Variants in SLCO6A1 observed in about 807,000 individuals in gnomAD.
SLCO6A1 encodes the protein solute carrier organic anion transporter family member 6A1.
Under a neutral mutation model 72.7 loss-of-function variants are expected in SLCO6A1, and 65 were observed. The ratio of observed to expected loss-of-function variants is 0.89; its 90% confidence interval spans 0.73 to 1.10. The LOEUF (loss-of-function observed/expected upper bound fraction) is 1.10, where lower values mean the gene tolerates loss of function less well. Among genes scored for constraint, SLCO6A1 ranks in the 50% least tolerant of loss-of-function variants. SLCO6A1 has a pLI of 0.00. For missense variants in SLCO6A1, 874 were observed against 872.6 expected (o/e 1.00, Z -0.02); for synonymous variants, 314 against 298.2 (o/e 1.05, Z -0.55).
chr5:102,453,562 G>A (rs980926264), intron 6 of SLCO6A1, among the ~76,000 whole-genome samples: 2 of 151,954 alleles, frequency 1.3e-5, no homozygotes, highest in Admixed American at 1.3e-4. Context: ...TAAATAATAC[G>A]TTGTAGCTTT....
At chr5:102,441,146 T>C (rs930107525) in intron 6 of SLCO6A1, among the ~76,000 whole-genome samples, 1 of 152,218 alleles carries the variant, frequency 6.6e-6, no homozygotes, top group African/African-American at 2.4e-5. Flanking sequence ...TCATATTTAA[T>C]ATTATTGCAA....
chr5:102,387,710 T>A (rs1222077744), intron 12 of SLCO6A1, among the ~76,000 whole-genome samples: 2 of 152,196 alleles, frequency 1.3e-5, no homozygotes, highest in Non-Finnish European at 2.9e-5. Flanking sequence ...TTTTTTGAAT[T>A]ACTGAATCTA....
At chr5:102,426,976 A>G (rs1748928218) in intron 7 of SLCO6A1, among the ~76,000 whole-genome samples, 1 of 152,030 alleles carries the variant, frequency 6.6e-6, no homozygotes. Context: ...CAGGTCATGG[A>G]TAAAACTGGA....
At chr5:102,433,714 G>C (rs1452699112) in intron 7 of SLCO6A1, among the ~76,000 whole-genome samples, 1 of 152,146 alleles carries the variant, frequency 6.6e-6, no homozygotes, top group Non-Finnish European at 1.5e-5. Flanking sequence ...TAGGGCAGTG[G>C]CAATGGGATC....
At chr5:102,480,870 C>T (rs916390664) in intron 1 of SLCO6A1, among the ~76,000 whole-genome samples, 9 of 152,170 alleles carry the variant, frequency 5.9e-5, no homozygotes, top group Non-Finnish European at 1.3e-4. Context: ...CCCTCCCCTC[C>T]ATAATCAGCA....
At position 102,498,836 on chromosome 5, in the gene SLCO6A1, T is replaced by A. The variant is rs1431974183; in HGVS notation, c.9A>T (p.Val3=). 6 of 1,608,732 alleles carry A rather than the reference T, an allele frequency of 3.7e-6. No homozygotes were observed. Among genetic ancestry groups the A allele is most frequent in the East Asian group, 2.2e-5 (1 of 44,798 alleles). ...GGCTCCCAGAGTGCCGGGCGACGCCTACGAACATGGCTCACCCTGGGCGGC... is the reference window on the plus strand; with the variant it reads ...GGCTCCCAGAGTGCCGGGCGACGCCAACGAACATGGCTCACCCTGGGCGGC... MF[V]GVARHSGSQD... Residue 3 remains valine, a synonymous_variant, in exon 1 of 14, where the codon GTA becomes GTT. Transcript: ENST00000506729.
chr5:102,425,022 A>C (rs186009591), intron 7 of SLCO6A1, among the ~76,000 whole-genome samples: 1 of 152,300 alleles, frequency 6.6e-6, no homozygotes, highest in Admixed American at 6.5e-5. Context: ...CAAAAACCAC[A>C]TGATTATCTC....
At chr5:102,402,207 C>T (rs1197760106) in intron 9 of SLCO6A1, among the ~76,000 whole-genome samples, 1 of 151,806 alleles carries the variant, frequency 6.6e-6, no homozygotes, top group African/African-American at 2.4e-5. Flanking sequence ...AGGTGGGGTG[C>T]AAACAAGATT....
At position 102,470,277 on chromosome 5, in the gene SLCO6A1, T is replaced by A. The variant is rs1049685720; in HGVS notation, c.899+5420A>T. On this transcript the variant is annotated intron_variant, in intron 4 of 13. Coordinates refer to ENST00000506729, the MANE Select transcript of SLCO6A1 (RefSeq NM_173488.5). ...ACCTCTGGTAGAATTCAGTTGTGAA[T>A]CTGTCTGGTCCTGGACTTTTTTTGG... is the stretch of plus-strand genomic sequence containing the variant. 2.6e-5 allele frequency among the ~76,000 whole-genome samples: 4 copies of A among 152,202 alleles called. No homozygotes were observed. The East Asian group carries it at 7.7e-4, about 29-fold the overall frequency.
chr5:102,464,588 C>G (rs1355133403), intron 4 of SLCO6A1, among the ~76,000 whole-genome samples: 2 of 152,056 alleles, frequency 1.3e-5, no homozygotes, highest in East Asian at 3.9e-4. Context: ...CTGGGTCTTG[C>G]AACAGAAGAG....
intron 4 of SLCO6A1, among the ~76,000 whole-genome samples, chr5:102,461,162 C>T (rs1182842119): frequency 6.6e-6 from 1 of 151,318 alleles, no homozygotes; most frequent in Non-Finnish European, 1.5e-5. Context: ...AAAAAACTAT[C>T]AATTGGGAAA....
intron 4 of SLCO6A1, among the ~76,000 whole-genome samples, chr5:102,470,812 A>T (rs1273319637): frequency 2.6e-5 from 4 of 151,932 alleles, no homozygotes; most frequent in African/African-American, 9.7e-5. Flanking sequence ...CTATAATATG[A>T]CTTGTCTTAA....
At chr5:102,424,459 A>G (rs1748781378) in intron 7 of SLCO6A1, among the ~76,000 whole-genome samples, 1 of 152,220 alleles carries the variant, frequency 6.6e-6, no homozygotes, top group African/African-American at 2.4e-5. Context: ...ATCTCACAAT[A>G]ATACAAACTA....
chr5:102,392,102 A>ATT (rs1746795760), intron 10 of SLCO6A1, among the ~76,000 whole-genome samples: 2 of 152,076 alleles, frequency 1.3e-5, no homozygotes. Flanking sequence ...TATGACCAAT[A>ATT]TTTCATCCAA....
intron 9 of SLCO6A1, among the ~76,000 whole-genome samples, chr5:102,407,436 T>G (rs1747731896): frequency 6.6e-6 from 1 of 152,236 alleles, no homozygotes; most frequent in Non-Finnish European, 1.5e-5. Flanking sequence ...TAAAAGTTGC[T>G]GTGTAATACC....
chr5:102,424,673 G>T (rs1004480542), intron 7 of SLCO6A1, among the ~76,000 whole-genome samples: 2 of 152,128 alleles, frequency 1.3e-5, no homozygotes, highest in African/African-American at 2.4e-5. Flanking sequence ...TGGATCGACA[G>T]CCAAATTCTA....
chr5:102,391,277 G>GT (rs1746743498), intron 10 of SLCO6A1: 1 of 461,270 alleles, frequency 2.2e-6, no homozygotes, highest in Non-Finnish European at 3.9e-6. Flanking sequence ...CAAAGAAGAA[G>GT]GTTTTTATGG....
At chr5:102,423,900 G>T (rs905211134) in intron 7 of SLCO6A1, among the ~76,000 whole-genome samples, 5 of 152,076 alleles carry the variant, frequency 3.3e-5, no homozygotes, top group African/African-American at 9.7e-5. Flanking sequence ...AAATGCAAAA[G>T]AATGGAAATC....
chr5:102,427,296 CA>C (rs34497167), intron 7 of SLCO6A1, among the ~76,000 whole-genome samples: 1 of 151,546 alleles, frequency 6.6e-6, no homozygotes. Context: ...GAAGAATAAC[CA>C]AAACAAACAA....
Sources: allele counts gnomAD v4.1 joint callset (sites outside exome capture counted in the v4.1 genomes callset), GRCh38; gene constraint gnomAD v4.1.1; transcripts MANE v1.5; gene names NCBI Gene and HGNC (gene_info 2026-07-23, HGNC 2026-07-21).